KCNQ3: variants seen among roughly 807,000 people sequenced by gnomAD.
The protein encoded by KCNQ3 is potassium voltage-gated channel subfamily KQT member 3.
A neutral mutation model predicts 92.5 loss-of-function variants in KCNQ3; 30 were observed. That is an observed-to-expected ratio of 0.32 (90% CI 0.24 to 0.44). KCNQ3 has a LOEUF of 0.44. Among genes scored for constraint, KCNQ3 ranks in the 20% least tolerant of loss-of-function variants. The pLI, the probability that KCNQ3 is intolerant of heterozygous loss-of-function variation, is 1.00. For missense variants in KCNQ3, 913 were observed against 1,140.3 expected (o/e 0.80, Z 2.87); for synonymous variants, 450 against 468.8 (o/e 0.96, Z 0.52).
chr8:132,465,190 A>T (rs1011470389), intron 1 of KCNQ3, among the ~76,000 whole-genome samples: 3 of 152,196 alleles, frequency 2.0e-5, no homozygotes, highest in African/African-American at 7.2e-5. Context: ...TTTCTCCACA[A>T]AAGATGTGTT....
chr8:132,254,665 G>A (rs962885693), intron 1 of KCNQ3, among the ~76,000 whole-genome samples: 4 of 152,110 alleles, frequency 2.6e-5, no homozygotes, highest in Admixed American at 2.6e-4. Flanking sequence ...GATCACTTGA[G>A]GTCAGGAGTT....
At chr8:132,469,142 T>G (rs1223323893) in intron 1 of KCNQ3, among the ~76,000 whole-genome samples, 1 of 152,236 alleles carries the variant, frequency 6.6e-6, no homozygotes, top group Non-Finnish European at 1.5e-5. Context: ...GGTGATCACC[T>G]TGGGGAAGCT....
intron 1 of KCNQ3, among the ~76,000 whole-genome samples, chr8:132,300,345 A>T (rs1817176559): frequency 6.6e-6 from 1 of 152,202 alleles, no homozygotes; most frequent in South Asian, 2.1e-4. Flanking sequence ...CTGCACAGGG[A>T]CAAGAATACA....
intron 1 of KCNQ3, among the ~76,000 whole-genome samples, chr8:132,343,722 T>C (rs988225879): frequency 1.3e-5 from 2 of 152,052 alleles, no homozygotes; most frequent in African/African-American, 4.8e-5. Flanking sequence ...CGCTCCCTGA[T>C]TTCCCAAGCT....
At chr8:132,288,655 C>T (rs2130548494) in intron 1 of KCNQ3, among the ~76,000 whole-genome samples, 1 of 152,298 alleles carries the variant, frequency 6.6e-6, no homozygotes, top group Non-Finnish European at 1.5e-5. Context: ...CCATTTGTCC[C>T]TACCTCTTTC....
chr8:132,202,485 T>C (rs998906753), intron 1 of KCNQ3, among the ~76,000 whole-genome samples: 1 of 152,168 alleles, frequency 6.6e-6, no homozygotes, highest in African/African-American at 2.4e-5. Flanking sequence ...GACTCATTTC[T>C]TTTTTCTCTC....
At chr8:132,477,268 G>C (rs572728661) in intron 1 of KCNQ3, among the ~76,000 whole-genome samples, 1 of 151,724 alleles carries the variant, frequency 6.6e-6, no homozygotes, top group East Asian at 1.9e-4. Context: ...GTAAGGGTTT[G>C]ATTGATTTCC....
In KCNQ3 at chr8:132,393,538, T is replaced by C. The variant is rs1322143796; in HGVS notation, c.386+86609A>G. Among the ~76,000 whole-genome samples, 4 of 152,226 alleles carry C rather than the reference T, an allele frequency of 2.6e-5. 1 individual carries two copies. The East Asian group carries it at 7.7e-4, about 29-fold the overall frequency. On this transcript the variant is annotated intron_variant, in intron 1 of 14. Coordinates refer to ENST00000388996, the MANE Select transcript of KCNQ3 (RefSeq NM_004519.4). Reference sequence around the variant, plus strand: ...TCGGGGCTGGCCTATAGGACACAGTTTGCCAACTCCTGATCTAGAATAATG... The same window carrying C: ...TCGGGGCTGGCCTATAGGACACAGTCTGCCAACTCCTGATCTAGAATAATG...
chr8:132,224,081 A>ATTTTT (rs1164773143), intron 1 of KCNQ3, among the ~76,000 whole-genome samples: 8 of 39,478 alleles, frequency 2.0e-4, no homozygotes, highest in African/African-American at 4.2e-4. Flanking sequence ...ATGCCAGGCT[A>ATTTTT]TTTTTTTTTT....
At chr8:132,166,664 G>A (rs1826152319) in intron 8 of KCNQ3, among the ~76,000 whole-genome samples, 1 of 152,054 alleles carries the variant, frequency 6.6e-6, no homozygotes, top group Non-Finnish European at 1.5e-5. Context: ...AAAACAATGA[G>A]TTTATAATTA....
chr8:132,191,524 A>C (rs79813388), intron 1 of KCNQ3, among the ~76,000 whole-genome samples: 31,150 of 149,152 alleles, frequency 0.21, 4,106 homozygotes, highest in African/African-American at 0.37. Context: ...CTCTCTCTCT[A>C]TATATATATA....
chr8:132,443,562 ACC>A, intron 1 of KCNQ3, among the ~76,000 whole-genome samples: 1 of 151,140 alleles, frequency 6.6e-6, no homozygotes, highest in African/African-American at 2.4e-5. Flanking sequence ...ATCCCCCACT[ACC>A]CACACTCCTA....
chr8:132,328,510 C>A (rs922183777), intron 1 of KCNQ3, among the ~76,000 whole-genome samples: 18 of 152,104 alleles, frequency 1.2e-4, no homozygotes, highest in Non-Finnish European at 7.4e-5. Flanking sequence ...GGTGAACACG[C>A]CCAAGTTACT....
chr8:132,251,826 C>G (rs1450904880), intron 1 of KCNQ3, among the ~76,000 whole-genome samples: 1 of 152,194 alleles, frequency 6.6e-6, no homozygotes, highest in Admixed American at 6.5e-5. Context: ...GACAAGCAAA[C>G]ATCCCTCTCG....
At chr8:132,433,376 C>T (rs148305811) in intron 1 of KCNQ3, among the ~76,000 whole-genome samples, 1,947 of 152,340 alleles carry the variant, frequency 0.013, 24 homozygotes, top group Non-Finnish European at 0.017. Context: ...AGATGTTTCT[C>T]CATTTCCTTT....
At chr8:132,322,981 G>T (rs1302048566) in intron 1 of KCNQ3, among the ~76,000 whole-genome samples, 1 of 152,160 alleles carries the variant, frequency 6.6e-6, no homozygotes, top group Non-Finnish European at 1.5e-5. Flanking sequence ...TGGGCCCTTT[G>T]TTTCAGAGAG....
chr8:132,258,506 A>G (rs555730548), intron 1 of KCNQ3, among the ~76,000 whole-genome samples: 3 of 152,242 alleles, frequency 2.0e-5, no homozygotes, highest in African/African-American at 7.2e-5. Flanking sequence ...GATACAGCAG[A>G]ACAAGTGCTT....
chr8:132,330,695 C>T (rs945127722), intron 1 of KCNQ3, among the ~76,000 whole-genome samples: 3 of 152,186 alleles, frequency 2.0e-5, no homozygotes, highest in African/African-American at 7.2e-5. Flanking sequence ...GTTCCCTAGT[C>T]CCTGATTTTC....
chr8:132,190,668 G>T (rs778025709), intron 1 of KCNQ3, among the ~76,000 whole-genome samples: 1 of 152,326 alleles, frequency 6.6e-6, no homozygotes, highest in Non-Finnish European at 1.5e-5. Context: ...CCAACTCCAT[G>T]ACTGCTGCTT....
Sources: gnomAD v4.1 joint callset for allele counts (sites outside exome capture counted in the v4.1 genomes callset) on GRCh38, gnomAD v4.1.1 for gene constraint, MANE v1.5 for transcripts, NCBI Gene and HGNC (gene_info 2026-07-23, HGNC 2026-07-21) for gene names.